The following TMEM65 variants were observed in gnomAD, a reference collection of about 807,000 sequenced individuals.
The protein encoded by TMEM65 is transmembrane protein 65.
TMEM65 carries 22 observed loss-of-function variants against 25.4 expected under a neutral mutation model. The ratio of observed to expected loss-of-function variants is 0.86; its 90% CI spans 0.62 to 1.23. The LOEUF (loss-of-function observed/expected upper bound fraction) is 1.23. TMEM65 is among the 50% of genes most tolerant of loss of function. The pLI is 0.00. For missense variants in TMEM65, 262 were observed against 308.2 expected, an observed-to-expected ratio of 0.85 and a Z score of 1.12; for synonymous variants, 132 against 126.2, an observed-to-expected ratio of 1.05 and a Z score of -0.31.
intron 1 of TMEM65, among the ~76,000 whole-genome samples, chr8:124,358,612 C>A (rs1182264300): frequency 6.6e-6 from 1 of 152,230 alleles, no homozygotes; most frequent in Non-Finnish European, 1.5e-5. Context: ...AAGTCACTTT[C>A]CTTTTTCCAT....
intron 1 of TMEM65, among the ~76,000 whole-genome samples, chr8:124,359,872 T>C (rs754619845): frequency 7.2e-5 from 11 of 152,224 alleles, no homozygotes; most frequent in Admixed American, 1.3e-4. Context: ...AAAGCTATCC[T>C]AGATAAAGTG....
rs1288612632 is a variant in TMEM65, at chr8:124,309,728, T to TA, written c.*4231dup. The TA allele has an allele frequency of 6.6e-6, 1 of 152,220 alleles. No individual in the cohort carries two copies. Among genetic ancestry groups the TA allele is most frequent in the African/African-American group, 2.4e-5 (1 of 41,440 alleles). The allele number at this position is 152,220 out of a possible 1,614,324, so 9.4% of individuals were successfully genotyped here. The stretch of plus-strand genomic sequence containing the variant: ...TTGTTTCATTTATCTCTATAGAACT[T>TA]ACCACCATCTGACATAAACAATATT... On this transcript the variant is annotated 3_prime_UTR_variant, in exon 7 of 7. Transcript: ENST00000297632.
intron 1 of TMEM65, among the ~76,000 whole-genome samples, chr8:124,362,387 C>T (rs560684921): frequency 2.0e-5 from 3 of 151,720 alleles, no homozygotes; most frequent in East Asian, 1.9e-4. Context: ...ATTGGCTGGT[C>T]GCAGTGGCTC....
chr8:124,370,117 G>A (rs1232841262), intron 1 of TMEM65, among the ~76,000 whole-genome samples: 1 of 151,988 alleles, frequency 6.6e-6, no homozygotes, highest in African/African-American at 2.4e-5. Context: ...TTAAAACCAC[G>A]TTAAATTTAA....
intron 1 of TMEM65, among the ~76,000 whole-genome samples, chr8:124,338,845 A>C (rs1814544074): frequency 6.6e-6 from 1 of 152,148 alleles, no homozygotes; most frequent in East Asian, 1.9e-4. Flanking sequence ...GCCTGAGTAC[A>C]CAGTGAATTG....
At chr8:124,317,181 T>A (rs1357159324) in intron 6 of TMEM65, among the ~76,000 whole-genome samples, 1 of 152,200 alleles carries the variant, frequency 6.6e-6, no homozygotes, top group African/African-American at 2.4e-5. Context: ...TCCAAAACAT[T>A]CAATATCTTC....
At chr8:124,334,306 A>G (rs1814474859) in intron 1 of TMEM65, among the ~76,000 whole-genome samples, 1 of 152,238 alleles carries the variant, frequency 6.6e-6, no homozygotes, top group African/African-American at 2.4e-5. Flanking sequence ...TGTTAGAATT[A>G]GCAGACAAAA....
In TMEM65 at chr8:124,372,309, G is replaced by C. The variant is rs555898047; in HGVS notation, c.-152C>G. The C allele has an allele frequency of 2.5e-5, 16 of 635,930 alleles. No individual in the cohort carries two copies. Among genetic ancestry groups the C allele is most frequent in the Middle Eastern group, 6.7e-4 (1 of 1,482 alleles). The allele number at this position is 635,930 out of a possible 1,614,324, so 39.4% of individuals were successfully genotyped here. Reference sequence around the variant, plus strand: ...CGGGCACCATGCACTCCGCGGGCCCGCGCGGCTCTCGCCTCCTGTTCCGTC... The same window carrying C: ...CGGGCACCATGCACTCCGCGGGCCCCCGCGGCTCTCGCCTCCTGTTCCGTC... On this transcript the variant is annotated 5_prime_UTR_variant, in exon 1 of 7. Transcript: ENST00000297632.
At position 124,371,893 on chromosome 8, in the gene TMEM65, T is replaced by C. The variant is rs1035510180; in HGVS notation, c.265A>G (p.Lys89Glu). The part of the protein sequence containing the change: ...LHSTERSCLL[K>E]ELHRFESIAI... ...ATAGACTCGAAGCGGTGCAGCTCTT[T>C]GAGCAGGCAGCTCCTCTCCGTGGAG... The change falls in exon 1 of 7, where the codon AAA (lysine) becomes GAA (glutamate). Residue 89 changes from lysine to glutamate, a missense_variant. Coordinates refer to ENST00000297632, the MANE Select transcript of TMEM65 (RefSeq NM_194291.3). 1 of 1,550,012 alleles carries C rather than the reference T, an allele frequency of 6.5e-7. No homozygotes were observed. The highest frequency in any genetic ancestry group is 1.4e-5 in the African/African-American group (1 of 70,692).
At chr8:124,350,943 A>C (rs1814698790) in intron 1 of TMEM65, 10 of 981,592 alleles carry the variant, frequency 1.0e-5, no homozygotes, top group African/African-American at 1.8e-5. Context: ...TAACGCAAAA[A>C]CAGAAAAATT....
Position 124,313,177 on chromosome 8 carries a change from G to C in TMEM65, c.*783C>G, listed in dbSNP as rs908344171. ...CTAATTCCACAATCCCCATTTCAAAGACTCTAAAATAATCATTTGCTTCCC... is the reference window on the plus strand; with the variant it reads ...CTAATTCCACAATCCCCATTTCAAACACTCTAAAATAATCATTTGCTTCCC... On this transcript the variant is annotated 3_prime_UTR_variant, in exon 7 of 7. Transcript: ENST00000297632. 7 of 151,496 alleles carry C rather than the reference G, an allele frequency of 4.6e-5. No individual in the cohort carries two copies. The highest frequency in any genetic ancestry group is 1.7e-4 in the African/African-American group (7 of 41,246). The allele number at this position is 151,496 out of a possible 1,614,324, so 9.4% of individuals were successfully genotyped here.
intron 1 of TMEM65, among the ~76,000 whole-genome samples, chr8:124,334,758 C>A (rs146652917): frequency 1.8e-5 from 2 of 113,304 alleles, no homozygotes; most frequent in Admixed American, 9.4e-5. Flanking sequence ...AACAAGACTC[C>A]GTCTCAAAAA....
intron 1 of TMEM65, among the ~76,000 whole-genome samples, chr8:124,347,968 G>A (rs140317997): frequency 5.6e-4 from 83 of 148,938 alleles, no homozygotes; most frequent in East Asian, 4.1e-3. Flanking sequence ...TCGGCTCACC[G>A]CAACCTCTGC....
intron 2 of TMEM65, 82 bp from the exon 3 acceptor site, chr8:124,327,503 A>C (rs1037270875): frequency 6.5e-5 from 56 of 865,212 alleles, no homozygotes; most frequent in Non-Finnish European, 9.1e-5. Flanking sequence ...TGATCAAAGT[A>C]TCCTAAACAG....
chr8:124,363,734 G>A (rs1814901353), intron 1 of TMEM65, among the ~76,000 whole-genome samples: 1 of 150,354 alleles, frequency 6.7e-6, no homozygotes, highest in Admixed American at 6.6e-5. Context: ...CTACTTGGGA[G>A]GCTGAGGCAG....
intron 1 of TMEM65, among the ~76,000 whole-genome samples, chr8:124,370,805 T>C (rs1815002075): frequency 6.6e-6 from 1 of 152,256 alleles, no homozygotes; most frequent in Non-Finnish European, 1.5e-5. Flanking sequence ...CAATGTGCTC[T>C]ACACTTTGGA....
chr8:124,322,932 T>G (rs1021557231), intron 4 of TMEM65, among the ~76,000 whole-genome samples: 2 of 151,704 alleles, frequency 1.3e-5, no homozygotes, highest in Non-Finnish European at 2.9e-5. Flanking sequence ...GAGGTGGAGG[T>G]TGCAGTGAGC....
intron 6 of TMEM65, among the ~76,000 whole-genome samples, chr8:124,315,668 T>C (rs563586063): frequency 1.4e-5 from 2 of 139,494 alleles, no homozygotes; most frequent in African/African-American, 2.7e-5. Context: ...CATTAATATT[T>C]TGACAATAGC....
chr8:124,348,091 G>A (rs907241635), intron 1 of TMEM65, among the ~76,000 whole-genome samples: 4 of 151,954 alleles, frequency 2.6e-5, no homozygotes, highest in Non-Finnish European at 5.9e-5. Flanking sequence ...AGGATTACAG[G>A]CATGCGCCGC....
Sources: gnomAD v4.1 joint callset for allele counts (sites outside exome capture counted in the v4.1 genomes callset) on GRCh38, gnomAD v4.1.1 for gene constraint, MANE v1.5 for transcripts, NCBI Gene and HGNC (gene_info 2026-07-23, HGNC 2026-07-21) for gene names.